The following CAMTA1 variants were observed in gnomAD, a reference collection of about 807,000 sequenced individuals.
The protein encoded by CAMTA1 is calmodulin-binding transcription activator 1.
Under a neutral mutation model 170.9 loss-of-function variants are expected in CAMTA1, and 27 were observed. The ratio of observed to expected loss-of-function variants is 0.16; its 90% CI spans 0.12 to 0.22. The LOEUF (loss-of-function observed/expected upper bound fraction) is 0.22. Among genes scored for constraint, CAMTA1 ranks in the 10% least tolerant of loss-of-function variants. The pLI is 1.00. For missense variants in CAMTA1, 1,619 were observed against 2,217.2 expected, an observed-to-expected ratio of 0.73 and a Z score of 5.42; for synonymous variants, 833 against 891.5, an observed-to-expected ratio of 0.93 and a Z score of 1.17.
chr1:6,851,818 A>G (rs1026517420), intron 3 of CAMTA1, among the ~76,000 whole-genome samples: 2 of 152,258 alleles, frequency 1.3e-5, no homozygotes, highest in Admixed American at 1.3e-4. Context: ...GTTCGAGACC[A>G]GCCTGGCTGA....
intron 5 of CAMTA1, among the ~76,000 whole-genome samples, chr1:7,452,257 G>A (rs2092844377): frequency 6.6e-6 from 1 of 152,154 alleles, no homozygotes; most frequent in Non-Finnish European, 1.5e-5. Context: ...GCCCCCCTCC[G>A]CCCTGCCAGG....
intron 4 of CAMTA1, among the ~76,000 whole-genome samples, chr1:7,102,996 A>G (rs957068823): frequency 1.3e-5 from 2 of 152,136 alleles, no homozygotes; most frequent in African/African-American, 4.8e-5. Context: ...TGACCAAGAC[A>G]GATCATTTAT....
intron 5 of CAMTA1, among the ~76,000 whole-genome samples, chr1:7,327,393 T>G (rs1574704058): frequency 2.8e-5 from 3 of 108,826 alleles, no homozygotes; most frequent in African/African-American, 3.8e-5. Flanking sequence ...GGCAACAGAG[T>G]GAGACTCCAT....
At chr1:7,671,837 T>C (rs1412737601) in intron 10 of CAMTA1, among the ~76,000 whole-genome samples, 7 of 152,202 alleles carry the variant, frequency 4.6e-5, no homozygotes, top group Non-Finnish European at 1.0e-4. Context: ...CCATCACTGC[T>C]TCCCCACTCG....
chr1:7,135,356 C>G (rs1014858249), intron 4 of CAMTA1, among the ~76,000 whole-genome samples: 4 of 151,910 alleles, frequency 2.6e-5, no homozygotes, highest in African/African-American at 9.7e-5. Flanking sequence ...CCACTGCACT[C>G]CAGCCTGGGC....
Position 7,080,638 on chromosome 1 carries a change from G to A in CAMTA1, c.235-10666G>A, listed in dbSNP as rs571166240. On this transcript the variant is annotated intron_variant, in intron 3 of 22. Transcript: ENST00000303635. ...CAACCTCTGCCTTCCAGGTTCAAGC[G>A]ATTCTCCTGCCTCAGCCTCCCAAAT... Among the ~76,000 whole-genome samples, 65 of 152,180 alleles carry A rather than the reference G, an allele frequency of 4.3e-4. 1 individual carries two copies. Among genetic ancestry groups the A allele is most frequent in the Admixed American group, 2.2e-3 (33 of 15,290 alleles).
At chr1:7,084,680 G>A (rs138062553) in intron 3 of CAMTA1, among the ~76,000 whole-genome samples, 324 of 152,308 alleles carry the variant, frequency 2.1e-3, no homozygotes, top group Non-Finnish European at 3.4e-3. Context: ...GGTGGCTGCC[G>A]TTGGCTCCAG....
chr1:7,388,536 G>A (rs1037160255), intron 5 of CAMTA1: 2 of 152,348 alleles, frequency 1.3e-5, no homozygotes, highest in African/African-American at 4.8e-5. Context: ...CTGTCTTCCT[G>A]GAAGGAAATG....
At chr1:6,955,836 T>A (rs552190402) in intron 3 of CAMTA1, among the ~76,000 whole-genome samples, 3 of 152,152 alleles carry the variant, frequency 2.0e-5, no homozygotes, top group Non-Finnish European at 4.4e-5. Context: ...CTGACCTCCA[T>A]CCTGCACCAT....
At chr1:7,518,929 G>C (rs767212174) in intron 6 of CAMTA1, among the ~76,000 whole-genome samples, 1 of 151,986 alleles carries the variant, frequency 6.6e-6, no homozygotes, top group Non-Finnish European at 1.5e-5. Flanking sequence ...ACTTGGGATG[G>C]CTTGGGTCCC....
intron 3 of CAMTA1, among the ~76,000 whole-genome samples, chr1:7,057,038 A>G (rs1707437055): frequency 6.6e-6 from 1 of 151,228 alleles, no homozygotes; most frequent in Admixed American, 6.6e-5. Context: ...GGCACTTCCC[A>G]CCTGCATGGC....
intron 6 of CAMTA1, among the ~76,000 whole-genome samples, chr1:7,578,140 CT>C (rs1180250844): frequency 2.0e-5 from 3 of 151,968 alleles, no homozygotes; most frequent in South Asian, 2.1e-4. Flanking sequence ...GACCTGGGAA[CT>C]TTTTTTTCTC....
Position 7,104,082 on chromosome 1 carries a change from C to T in CAMTA1, c.302+12711C>T, listed in dbSNP as rs371734197. Among the ~76,000 whole-genome samples, 157 of 149,828 alleles carry T rather than the reference C, an allele frequency of 1.0e-3. 2 individuals are homozygous for T. In the East Asian group the frequency reaches 0.027, roughly 25 times the overall value. On this transcript the variant is annotated intron_variant, in intron 4 of 22. Coordinates refer to ENST00000303635, the MANE Select transcript of CAMTA1 (RefSeq NM_015215.4). The stretch of plus-strand genomic sequence containing the variant: ...CAGATGTACACACTACACAGATGTA[C>T]ACACAACACACATACACAACTACAC...
intron 8 of CAMTA1, 97 bp downstream of exon 8, chr1:7,661,963 T>G (rs2095962379): frequency 7.2e-7 from 1 of 1,383,112 alleles, no homozygotes; most frequent in African/African-American, 1.4e-5. Context: ...AGCCATGACA[T>G]CTAGTGAGGG....
chr1:7,539,237 G>T (rs749556090), intron 6 of CAMTA1, among the ~76,000 whole-genome samples: 4 of 152,262 alleles, frequency 2.6e-5, no homozygotes, highest in Non-Finnish European at 5.9e-5. Context: ...CAACAGGCAG[G>T]ACTGATGGAC....
chr1:7,682,165 A>G lies in CAMTA1; in HGVS notation c.2914+4432A>G, dbSNP rs2096213329. Among the ~76,000 whole-genome samples the G allele has an allele frequency of 6.6e-6, 1 of 152,124 alleles. No homozygotes were observed. Among genetic ancestry groups the G allele is most frequent in the Non-Finnish European group, 1.5e-5 (1 of 68,012 alleles). On this transcript the variant is annotated intron_variant, in intron 11 of 22. Coordinates refer to ENST00000303635, the MANE Select transcript of CAMTA1 (RefSeq NM_015215.4). This position sits in a 1 kb window ranked among gnomAD's most constrained non-coding sequence, Gnocchi z 5.0. ...CCTGGGCAGGCCCCCTTCTGGCCTC[A>G]GGGGTGAGGGGGGACCCTGTCATCT...
At chr1:7,027,011 G>T (rs1272967212) in intron 3 of CAMTA1, among the ~76,000 whole-genome samples, 1 of 152,034 alleles carries the variant, frequency 6.6e-6, no homozygotes, top group Non-Finnish European at 1.5e-5. Flanking sequence ...CTTTATGGTG[G>T]TGGCTTTTCT....
intron 4 of CAMTA1, among the ~76,000 whole-genome samples, chr1:7,117,698 A>G (rs1409224235): frequency 2.0e-5 from 3 of 151,906 alleles, no homozygotes; most frequent in South Asian, 2.1e-4. Context: ...GGCTTATGCA[A>G]CTCCTTAAAG....
At chr1:7,735,231 C>T (rs2096762504) in intron 12 of CAMTA1, among the ~76,000 whole-genome samples, 1 of 152,164 alleles carries the variant, frequency 6.6e-6, no homozygotes, top group African/African-American at 2.4e-5. Flanking sequence ...GGCGCGGTGG[C>T]TCATGCCAGG....
Sources: allele counts gnomAD v4.1 joint callset (sites outside exome capture counted in the v4.1 genomes callset), GRCh38; gene constraint gnomAD v4.1.1; non-coding constraint Gnocchi (gnomAD v3.1); transcripts MANE v1.5; gene names NCBI Gene and HGNC (gene_info 2026-07-23, HGNC 2026-07-21).